PLSCR1: variants seen among roughly 807,000 people sequenced by gnomAD.
The protein encoded by PLSCR1 is PL scramblase 1.
PLSCR1 carries 17 observed loss-of-function variants against 37.8 expected under a neutral mutation model. The ratio of observed to expected loss-of-function variants is 0.45; its 90% CI spans 0.31 to 0.68. The LOEUF (loss-of-function observed/expected upper bound fraction) is 0.68. Among genes scored for constraint, PLSCR1 ranks in the 30% least tolerant of loss-of-function variants. The probability of loss-of-function intolerance (pLI) is 0.06; values close to 1 mark genes in which losing one functional copy is unlikely to be tolerated. For synonymous variants in PLSCR1, 116 were observed against 125.9 expected (o/e 0.92, Z 0.53); for missense variants, 347 against 380.9 (o/e 0.91, Z 0.74).
rs118115897 is a variant in PLSCR1, at chr3:146,542,543, A to G, written c.-14+1924T>C. ...TTCCTAGCCTCCAGAACTGTAAGAA[A>G]TAAATTTCTGTCCTTTATAAATTAC... On this transcript the variant is annotated intron_variant, in intron 1 of 8. Transcript: ENST00000342435. Among the ~76,000 whole-genome samples, 312 of 152,334 alleles carry G rather than the reference A, an allele frequency of 2.0e-3. 2 individuals are homozygous for G. Among genetic ancestry groups the G allele is most frequent in the East Asian group, 0.019 (99 of 5,184 alleles).
chr3:146,523,213 G>A lies in PLSCR1; in HGVS notation c.356-1160C>T, dbSNP rs114772112. ...AACAAGAAACACCCACAAGTGTGGA[G>A]GGGCAACCCATCCCTTCATTATGTG... is the stretch of plus-strand genomic sequence containing the variant. On this transcript the variant is annotated intron_variant, in intron 5 of 8. Transcript: ENST00000342435. 3.7e-3 allele frequency among the ~76,000 whole-genome samples: 568 copies of A among 152,348 alleles called. 3 individuals are homozygous for A. Among genetic ancestry groups the A allele is most frequent in the African/African-American group, 0.013 (544 of 41,578 alleles).
chr3:146,525,620 T>A lies in PLSCR1; in HGVS notation c.340A>T (p.Ile114Phe). The change falls in exon 5 of 9, where the codon ATT becomes TTT. Residue 114 changes from isoleucine (I) to phenylalanine (F), a missense_variant. By Grantham distance (21) the Ile-to-Phe change is conservative (BLOSUM62 0). Transcript: ENST00000342435. ...GAATACATACCTTCCAGAAGTTCAA[T>A]TTGCTGATGAATCAGTATCTGATCT... The part of the protein sequence containing the change: ...QIDQILIHQQ[I>F]ELLEVLTGFE... 5.3e-6 allele frequency: 8 copies of A among 1,514,748 alleles called. No homozygotes were observed. Among genetic ancestry groups the A allele is most frequent in the Non-Finnish European group, 6.4e-6 (7 of 1,093,090 alleles). 93.8% of individuals were successfully genotyped at this position (1,514,748 alleles called of 1,614,324 possible). A position where few individuals can be genotyped will look rare whatever the true frequency, so the allele number is the denominator to read the frequency against.
intron 3 of PLSCR1, among the ~76,000 whole-genome samples, chr3:146,533,133 A>T (rs1474555094): frequency 6.6e-6 from 1 of 152,192 alleles, no homozygotes; most frequent in Non-Finnish European, 1.5e-5. Context: ...CAGATGGAGG[A>T]TCAATAAAAT....
intron 2 of PLSCR1, among the ~76,000 whole-genome samples, chr3:146,535,441 T>C (rs1319911631): frequency 6.6e-6 from 1 of 152,192 alleles, no homozygotes; most frequent in East Asian, 1.9e-4. Context: ...GATTACTGCG[T>C]TTTTGAAATG....
At chr3:146,528,385 A>G in intron 4 of PLSCR1, 1 of 544,850 alleles carries the variant, frequency 1.8e-6, no homozygotes, top group Non-Finnish European at 3.3e-6. Flanking sequence ...AATGTTTGCT[A>G]TTGGCCATTA....
At chr3:146,524,094 T>G (rs1269019389) in intron 5 of PLSCR1, among the ~76,000 whole-genome samples, 1 of 152,202 alleles carries the variant, frequency 6.6e-6, no homozygotes, top group Non-Finnish European at 1.5e-5. Context: ...ACGTCTGATT[T>G]CAACATCTGA....
rs183400053 is a variant in PLSCR1, at chr3:146,519,477, A to G, written c.738+2067T>C. ...GTGGCCATATTTTTTCCCCCTACCA[A>G]GAGTCCTTGAAGGAGACAGACTCTC... On this transcript the variant is annotated intron_variant, in intron 7 of 8. Coordinates refer to ENST00000342435, the MANE Select transcript of PLSCR1 (RefSeq NM_021105.3). Among the ~76,000 whole-genome samples the G allele has an allele frequency of 5.3e-5, 8 of 152,196 alleles. No individual in the cohort carries two copies. In the East Asian group the frequency reaches 1.5e-3, roughly 29 times the overall value.
In PLSCR1 at chr3:146,515,816, T is replaced by G. The variant is rs2043938179; in HGVS notation, c.*229A>C. ...AGCAGTTTTTCAAAGGAAGTTTCAT[T>G]AATAAATGCAAAAACTCATATGTCC... is the stretch of plus-strand genomic sequence containing the variant. On this transcript the variant is annotated 3_prime_UTR_variant, in exon 9 of 9. Coordinates refer to ENST00000342435, the MANE Select transcript of PLSCR1 (RefSeq NM_021105.3). 1 of 351,672 alleles carries G rather than the reference T, an allele frequency of 2.8e-6. No homozygotes were observed. Among genetic ancestry groups the G allele is most frequent in the African/African-American group, 2.1e-5 (1 of 47,320 alleles). 21.8% of individuals were successfully genotyped at this position (351,672 alleles called of 1,614,324 possible).
intron 1 of PLSCR1, among the ~76,000 whole-genome samples, chr3:146,540,181 G>T (rs997470486): frequency 6.6e-6 from 1 of 152,150 alleles, no homozygotes; most frequent in East Asian, 1.9e-4. Context: ...AAGTTATGTT[G>T]TATATTGTAC....
Position 146,517,186 on chromosome 3 carries a change from G to A in PLSCR1, c.739-19C>T. ...ATTTAATCTAAATTGAAAAAAAAAA[G>A]TATTAAATACTTTTAGGAAACTTAT... On this transcript the variant is annotated intron_variant, in intron 7 of 8. Coordinates refer to ENST00000342435, the MANE Select transcript of PLSCR1 (RefSeq NM_021105.3). 7.3e-7 allele frequency: 1 copy of A among 1,370,786 alleles called. No individual in the cohort carries two copies. The highest frequency in any genetic ancestry group is 9.9e-7 in the Non-Finnish European group (1 of 1,008,486). The allele number at this position is 1,370,786 out of a possible 1,614,324, so 84.9% of individuals were successfully genotyped here.
At chr3:146,528,957 A>C (rs1367781084) in intron 3 of PLSCR1, 126 bp from the exon 4 acceptor site, 1 of 664,622 alleles carries the variant, frequency 1.5e-6, no homozygotes, top group Non-Finnish European at 2.5e-6. Context: ...GTGATGTTTA[A>C]TACGCTTTTC....
chr3:146,536,917 A>T (rs542335553), intron 1 of PLSCR1: 1 of 186,908 alleles, frequency 5.4e-6, no homozygotes, highest in East Asian at 1.4e-4. Flanking sequence ...TGAACAATCT[A>T]AAGGAAATGC....
intron 4 of PLSCR1, among the ~76,000 whole-genome samples, chr3:146,526,797 C>T (rs1417993115): frequency 2.0e-5 from 3 of 148,826 alleles, no homozygotes; most frequent in Non-Finnish European, 4.6e-5. Context: ...AAGAAAAATA[C>T]TGAATGTTCT....
At position 146,515,245 on chromosome 3, in the gene PLSCR1, C is replaced by T. The variant is rs2043931375; in HGVS notation, c.*800G>A. The stretch of plus-strand genomic sequence containing the variant: ...ATAGATCATTATTTAGGTTTATACT[C>T]TGTGAATATATATATGATATTGTAT... On this transcript the variant is annotated 3_prime_UTR_variant, in exon 9 of 9. Coordinates refer to ENST00000342435, the MANE Select transcript of PLSCR1 (RefSeq NM_021105.3). 6.6e-6 allele frequency: 1 copy of T among 152,114 alleles called. No individual in the cohort carries two copies. The highest frequency in any genetic ancestry group is 6.5e-5 in the Admixed American group (1 of 15,274). The allele number at this position is 152,114 out of a possible 1,614,324, so 9.4% of individuals were successfully genotyped here.
chr3:146,541,428 C>T (rs1380772004), intron 1 of PLSCR1, among the ~76,000 whole-genome samples: 2 of 152,156 alleles, frequency 1.3e-5, no homozygotes, highest in Admixed American at 1.3e-4. Flanking sequence ...AGCTCCCTCA[C>T]AAATTTGCTT....
At chr3:146,527,556 G>A (rs1482480363) in intron 4 of PLSCR1, among the ~76,000 whole-genome samples, 1 of 152,080 alleles carries the variant, frequency 6.6e-6, no homozygotes, top group East Asian at 1.9e-4. Flanking sequence ...CCATCAAAGA[G>A]ATTTTTTTTT....
rs1253403678 is a variant in PLSCR1 at position 146,529,902 on chromosome 3, T to C, written c.95-1071A>G. Among the ~76,000 whole-genome samples, 3 of 152,206 alleles carry C rather than the reference T, an allele frequency of 2.0e-5. No individual in the cohort carries two copies. In the East Asian group the frequency reaches 5.8e-4, roughly 29 times the overall value. The stretch of plus-strand genomic sequence containing the variant: ...TGTTTTAATCCATAATGTATTGCTT[T>C]CCTAAGTCCTTCTTCATTAAAATAA... On this transcript the variant is annotated intron_variant, in intron 3 of 8. Coordinates refer to ENST00000342435, the MANE Select transcript of PLSCR1 (RefSeq NM_021105.3).
At chr3:146,532,569 C>G (rs545201351) in intron 3 of PLSCR1, among the ~76,000 whole-genome samples, 2 of 152,168 alleles carry the variant, frequency 1.3e-5, no homozygotes, top group East Asian at 3.8e-4. Context: ...ATCCGGGACC[C>G]GCAGGGAGGT....
At chr3:146,522,808 A>T (rs1354822368) in intron 5 of PLSCR1, among the ~76,000 whole-genome samples, 1 of 152,222 alleles carries the variant, frequency 6.6e-6, no homozygotes, top group Non-Finnish European at 1.5e-5. Flanking sequence ...GCCCAATTGT[A>T]TATTCCATCT....
Sources: allele counts gnomAD v4.1 joint callset (sites outside exome capture counted in the v4.1 genomes callset), GRCh38; gene constraint gnomAD v4.1.1; transcripts MANE v1.5; gene names NCBI Gene and HGNC (gene_info 2026-07-23, HGNC 2026-07-21).